The following NMNAT2 variants were observed in gnomAD, a reference collection of about 807,000 sequenced individuals.
NMNAT2 encodes the protein nicotinamide/nicotinic acid mononucleotide adenylyltransferase 2.
A neutral mutation model predicts 41.6 loss-of-function variants in NMNAT2; 11 were observed. That is an observed-to-expected ratio of 0.26 (90% CI 0.17 to 0.44). The LOEUF is 0.44. Among genes scored for constraint, NMNAT2 ranks in the 20% least tolerant of loss-of-function variants. The pLI is 1.00. For synonymous variants in NMNAT2, 148 were observed against 151.2 expected, an observed-to-expected ratio of 0.98 and a Z score of 0.16; for missense variants, 288 against 407.7, an observed-to-expected ratio of 0.71 and a Z score of 2.53.
rs914574190 is a variant in NMNAT2, at chr1:183,360,329, C to T, written c.85+57854G>A. On this transcript the variant is annotated intron_variant, in intron 1 of 10. Transcript: ENST00000287713. ...CTTAGACTGGGCAAGATGGAAGCTG[C>T]ACAGCCTACCTACACCCCCGAGGGT... Among the ~76,000 whole-genome samples the T allele has an allele frequency of 2.2e-4, 34 of 152,248 alleles. 1 individual carries two copies. Among genetic ancestry groups the T allele is most frequent in the African/African-American group, 7.0e-4 (29 of 41,552 alleles).
intron 1 of NMNAT2, among the ~76,000 whole-genome samples, chr1:183,379,312 T>C (rs1198362987): frequency 6.6e-6 from 1 of 152,040 alleles, no homozygotes; most frequent in East Asian, 1.9e-4. Flanking sequence ...TCCCCAGCAG[T>C]TGGGACCATA....
chr1:183,284,094 A>ACACACAGT (rs1661339821), intron 6 of NMNAT2, 55 bp from the exon 7 acceptor site: 3 of 1,494,614 alleles, frequency 2.0e-6, no homozygotes, highest in Non-Finnish European at 2.8e-6. Flanking sequence ...CTGGTACCCA[A>ACACACAGT]CACACAGTCT....
At chr1:183,379,456 T>C (rs974597313) in intron 1 of NMNAT2, among the ~76,000 whole-genome samples, 7 of 152,110 alleles carry the variant, frequency 4.6e-5, no homozygotes, top group African/African-American at 1.7e-4. Flanking sequence ...GTTGACATTA[T>C]AGGTATGAGC....
chr1:183,283,902 G>A, intron 7 of NMNAT2, 93 bp downstream of exon 7: 1 of 1,237,262 alleles, frequency 8.1e-7, no homozygotes, highest in Non-Finnish European at 1.2e-6. Context: ...ACAGTCCCTG[G>A]GTTTTCAAGC....
At chr1:183,307,871 C>T (rs946171) in intron 1 of NMNAT2, among the ~76,000 whole-genome samples, 2,379 of 152,300 alleles carry the variant, frequency 0.016, 56 homozygotes, top group African/African-American at 0.053. Flanking sequence ...CATGAGCTGC[C>T]GCACCTGGCC....
rs140951241 is a variant in NMNAT2, at chr1:183,274,996, A to G, written c.651+3557T>C. The stretch of plus-strand genomic sequence containing the variant: ...GAGGAGAACGGGCCTGGTGATCACA[A>G]TGGGGCCCAGCACGAGGCCTCCAGA... On this transcript the variant is annotated intron_variant, in intron 8 of 10. Transcript: ENST00000287713. Among the ~76,000 whole-genome samples, 316 of 152,110 alleles carry G rather than the reference A, an allele frequency of 2.1e-3. 6 individuals are homozygous for G. The East Asian group carries it at 0.052, about 25-fold the overall frequency.
At chr1:183,303,457 T>G (rs1038062446) in intron 1 of NMNAT2, among the ~76,000 whole-genome samples, 7 of 152,198 alleles carry the variant, frequency 4.6e-5, no homozygotes, top group African/African-American at 1.7e-4. Flanking sequence ...GAAGCCAAGG[T>G]TCAGAGTCAT....
intron 1 of NMNAT2, among the ~76,000 whole-genome samples, chr1:183,314,894 C>T (rs1478031238): frequency 2.0e-5 from 3 of 152,144 alleles, no homozygotes; most frequent in African/African-American, 7.2e-5. Context: ...ACAAACCAAC[C>T]AACAAACAAA....
At chr1:183,285,896 T>C (rs1239023344) in intron 5 of NMNAT2, among the ~76,000 whole-genome samples, 1 of 152,168 alleles carries the variant, frequency 6.6e-6, no homozygotes, top group East Asian at 1.9e-4. Flanking sequence ...TCTCTGTCAC[T>C]GGATTGATGG....
At chr1:183,290,985 C>T (rs1254416488) in intron 3 of NMNAT2, among the ~76,000 whole-genome samples, 3 of 152,126 alleles carry the variant, frequency 2.0e-5, no homozygotes, top group Non-Finnish European at 4.4e-5. Flanking sequence ...GGCAAGACCT[C>T]GGCTCACTGC....
rs1296400943 is a variant in NMNAT2 at position 183,311,717 on chromosome 1, G to A, written c.86-17924C>T. ...TTGTGCAGTTCACATCACACGTCCA[G>A]TCCCTACACACACACACACACACAC... On this transcript the variant is annotated intron_variant, in intron 1 of 10. Transcript: ENST00000287713. 3.0e-5 allele frequency among the ~76,000 whole-genome samples: 4 copies of A among 135,146 alleles called. No individual in the cohort carries two copies. In the East Asian group the frequency reaches 8.7e-4, roughly 29 times the overall value. 88.7% of individuals were successfully genotyped at this position (135,146 alleles called of 152,430 possible).
intron 1 of NMNAT2, among the ~76,000 whole-genome samples, chr1:183,407,751 A>G (rs2702186): frequency 0.034 from 5,246 of 152,350 alleles, 222 homozygotes; most frequent in African/African-American, 0.11. Context: ...AAAACTAGAT[A>G]TGACTGCAAG....
At chr1:183,321,635 C>G (rs1662357694) in intron 1 of NMNAT2, among the ~76,000 whole-genome samples, 1 of 151,760 alleles carries the variant, frequency 6.6e-6, no homozygotes, top group East Asian at 1.9e-4. Flanking sequence ...CCAGCTGCTC[C>G]AGAGGTTGAG....
chr1:183,356,916 A>G (rs1040609648), intron 1 of NMNAT2, among the ~76,000 whole-genome samples: 1 of 152,190 alleles, frequency 6.6e-6, no homozygotes, highest in Non-Finnish European at 1.5e-5. Context: ...GTGGCTGCAT[A>G]GTATTCCATG....
At chr1:183,279,141 T>C (rs1661198098) in intron 7 of NMNAT2, among the ~76,000 whole-genome samples, 1 of 152,140 alleles carries the variant, frequency 6.6e-6, no homozygotes, top group Admixed American at 6.5e-5. Context: ...GTGTATAAAA[T>C]GTGTCACATG....
At chr1:183,390,923 G>A (rs1422268374) in intron 1 of NMNAT2, among the ~76,000 whole-genome samples, 1 of 152,256 alleles carries the variant, frequency 6.6e-6, no homozygotes, top group East Asian at 1.9e-4. Context: ...CATTTGGGGT[G>A]ATGCACGTGA....
intron 1 of NMNAT2, among the ~76,000 whole-genome samples, chr1:183,378,893 A>T (rs1244545247): frequency 6.6e-6 from 1 of 152,010 alleles, no homozygotes; most frequent in African/African-American, 2.4e-5. Context: ...ATATACAAAA[A>T]TTAGGCAAGC....
chr1:183,360,924 A>G (rs1306812615), intron 1 of NMNAT2, among the ~76,000 whole-genome samples: 2 of 152,228 alleles, frequency 1.3e-5, no homozygotes, highest in African/African-American at 4.8e-5. Flanking sequence ...CCTTATAAAA[A>G]CAGAGAAAAT....
In NMNAT2 at chr1:183,250,578, C is replaced by T. The variant is rs911608254; in HGVS notation, c.*2063G>A. On this transcript the variant is annotated 3_prime_UTR_variant, in exon 11 of 11. Coordinates refer to ENST00000287713, the MANE Select transcript of NMNAT2 (RefSeq NM_015039.4). Reference sequence around the variant, plus strand: ...GGAAACAATATGTTCTTGTCAGGCCCTACACCTGCTGGCTGACCTGGACCA... The same window carrying T: ...GGAAACAATATGTTCTTGTCAGGCCTTACACCTGCTGGCTGACCTGGACCA... The T allele has an allele frequency of 2.6e-5, 4 of 152,616 alleles. No homozygotes were observed. Among genetic ancestry groups the T allele is most frequent in the African/African-American group, 7.2e-5 (3 of 41,442 alleles). 9.5% of individuals were successfully genotyped at this position (152,616 alleles called of 1,614,324 possible). A position where few individuals can be genotyped will look rare whatever the true frequency, so the allele number is the denominator to read the frequency against.
Sources: allele counts gnomAD v4.1 joint callset (sites outside exome capture counted in the v4.1 genomes callset), GRCh38; gene constraint gnomAD v4.1.1; transcripts MANE v1.5; gene names NCBI Gene and HGNC (gene_info 2026-07-23, HGNC 2026-07-21).